The following SEC14L4 variants were observed in gnomAD, a reference collection of about 807,000 sequenced individuals.
SEC14L4 encodes SEC14-like protein 4.
A neutral mutation model predicts 55.1 loss-of-function variants in SEC14L4; 42 were observed. The ratio of observed to expected loss-of-function variants is 0.76; its 90% CI spans 0.60 to 0.99. SEC14L4 has a LOEUF of 0.99. SEC14L4 is among the 50% of genes least tolerant of loss of function. The pLI, the probability that SEC14L4 is intolerant of heterozygous loss-of-function variation, is 0.00. For synonymous variants in SEC14L4, 206 were observed against 206.8 expected (o/e 1.00, Z 0.03); for missense variants, 445 against 512.1 (o/e 0.87, Z 1.27).
At chr22:30,499,893 A>G (rs59041044) in intron 2 of SEC14L4, among the ~76,000 whole-genome samples, 6,677 of 150,440 alleles carry the variant, frequency 0.044, 233 homozygotes, top group African/African-American at 0.097. Flanking sequence ...TTTTTGAGAC[A>G]GAGTCTCTCT....
At chr22:30,501,846 C>CATATATAT (rs3067218) in intron 2 of SEC14L4, among the ~76,000 whole-genome samples, 3,032 of 111,598 alleles carry the variant, frequency 0.027, 86 homozygotes, top group Middle Eastern at 0.051. Context: ...CACACACGCA[C>CATATATAT]ATATATATAT....
chr22:30,494,142 G>A lies in SEC14L4; in HGVS notation c.580+8C>T, dbSNP rs147543145. ...CTCCCCAGGAGGTCATCCCGGTCAT[G>A]GGCTTACCTCGAATAACAATTAAAT... On this transcript the variant is annotated splice_region_variant and intron_variant, in intron 7 of 11. Coordinates refer to ENST00000255858, the MANE Select transcript of SEC14L4 (RefSeq NM_174977.4). 5 of 1,610,078 alleles carry A rather than the reference G, an allele frequency of 3.1e-6. No individual in the cohort carries two copies. In the African/African-American group the frequency reaches 5.3e-5, roughly 17 times the overall value.
chr22:30,491,559 C>A lies in SEC14L4; in HGVS notation c.1081+14G>T. 1 of 1,613,966 alleles carries A rather than the reference C, an allele frequency of 6.2e-7. No homozygotes were observed. The highest frequency in any genetic ancestry group is 8.5e-7 in the Non-Finnish European group (1 of 1,179,922). On this transcript the variant is annotated intron_variant, in intron 11 of 11. Coordinates refer to ENST00000255858, the MANE Select transcript of SEC14L4 (RefSeq NM_174977.4). ...GGCAGGGAAAACAATTCCAGTAAAC[C>A]CCGCAGCTCTTACAGACGCCAGCCT...
chr22:30,492,293 C>T, intron 8 of SEC14L4, 138 bp from the exon 9 acceptor site: 3 of 1,221,088 alleles, frequency 2.5e-6, no homozygotes, highest in Non-Finnish European at 3.5e-6. Context: ...TACCCAAGAC[C>T]TTTATGTGGC....
intron 1 of SEC14L4, 132 bp from the exon 2 acceptor site, chr22:30,503,884 G>A (rs1003745780): frequency 6.7e-6 from 4 of 601,036 alleles, no homozygotes; most frequent in South Asian, 4.7e-5. Context: ...TGCCCTGAAC[G>A]ACTTTGCCAT....
intron 7 of SEC14L4, among the ~76,000 whole-genome samples, chr22:30,493,114 GA>G (rs1936022375): frequency 6.7e-6 from 1 of 149,012 alleles, no homozygotes; most frequent in Admixed American, 6.7e-5. Flanking sequence ...AAAGAAAAAA[GA>G]AAAAGAAAAA....
Position 30,489,714 on chromosome 22 carries a change from C to G in SEC14L4, c.*393G>C. On this transcript the variant is annotated 3_prime_UTR_variant, in exon 12 of 12. Coordinates refer to ENST00000255858, the MANE Select transcript of SEC14L4 (RefSeq NM_174977.4). ...TTCAGGCCTGAAGCTGTGATGTCCA[C>G]AGGACCTAGGAACCACGCACACCCC... 1.4e-6 allele frequency: 1 copy of G among 730,206 alleles called. No individual in the cohort carries two copies. 45.2% of individuals were successfully genotyped at this position (730,206 alleles called of 1,614,324 possible). A position where few individuals can be genotyped will look rare whatever the true frequency, so the allele number is the denominator to read the frequency against.
In SEC14L4 at chr22:30,490,124, G is replaced by T. The variant is rs142649009; in HGVS notation, c.1204C>A (p.Pro402Thr). The change falls in exon 12 of 12, where the codon CCC becomes ACC. Residue 402 changes from proline to threonine, a missense_variant. By Grantham distance (38) the Pro-to-Thr change is conservative (BLOSUM62 -1). Coordinates refer to ENST00000255858, the MANE Select transcript of SEC14L4 (RefSeq NM_174977.4). ...TGGGGTCTTCACTGTGTTGGGGAGG[G>T]TCTCATCGCCTTGAGACTCTGCAGC... ...ETLQSLKAMR[P>T]SPTQ is the part of the protein sequence containing the mutation. 44 of 1,613,942 alleles carry T rather than the reference G, an allele frequency of 2.7e-5. No homozygotes were observed. The African/African-American group carries it at 4.9e-4, about 18-fold the overall frequency.
At position 30,492,555 on chromosome 22, in the gene SEC14L4, G is replaced by A; in HGVS notation, c.583C>T (p.Pro195Ser). The A allele has an allele frequency of 6.2e-7, 1 of 1,611,936 alleles. No individual in the cohort carries two copies. The highest frequency in any genetic ancestry group is 8.5e-7 in the Non-Finnish European group (1 of 1,178,040). ...TLKNLIVIRAPKLFPVAFNLV... is the reference protein window; with the variant it reads ...TLKNLIVIRASKLFPVAFNLV... ...TTGAAGGCCACGGGGAACAGTTTTG[G>A]GGCTGAAACACATGTAAATCTCTTG... is the stretch of plus-strand genomic sequence containing the variant. The change falls in exon 8 of 12, where the codon CCA (proline) becomes TCA (serine). Residue 195 changes from proline to serine, a missense_variant and splice_region_variant. Physicochemically the swap from Pro to Ser is moderately conservative, Grantham distance 74 (BLOSUM62 -1). Transcript: ENST00000255858.
At position 30,489,777 on chromosome 22, in the gene SEC14L4, G is replaced by A; in HGVS notation, c.*330C>T. On this transcript the variant is annotated 3_prime_UTR_variant, in exon 12 of 12. Coordinates refer to ENST00000255858, the MANE Select transcript of SEC14L4 (RefSeq NM_174977.4). ...CACCAGGCATGGGTGAGTCCTGGGT[G>A]GCTGGATCTTGTCAAGATGGGTGAA... 7.6e-7 allele frequency: 1 copy of A among 1,309,066 alleles called. No individual in the cohort carries two copies. The highest frequency in any genetic ancestry group is 1.3e-5 in the South Asian group (1 of 79,078). 81.1% of individuals were successfully genotyped at this position (1,309,066 alleles called of 1,614,324 possible). A position where few individuals can be genotyped will look rare whatever the true frequency, so the allele number is the denominator to read the frequency against.
Position 30,492,512 on chromosome 22 carries a change from A to T in SEC14L4, c.626T>A (p.Met209Lys). The change falls in exon 8 of 12, where the codon ATG (methionine) becomes AAG (lysine). Residue 209 changes from methionine (M) to lysine (K), a missense_variant. Physicochemically the swap from Met to Lys is moderately conservative, Grantham distance 95. Transcript: ENST00000255858. ...AATCTTCCTGCGTGTCTCCTCACTC[A>T]TGAACGACTTGACCAAGTTGAAGGC... ...PVAFNLVKSF[M>K]SEETRRKIVI... is the part of the protein sequence containing the mutation. The T allele has an allele frequency of 6.2e-7, 1 of 1,614,044 alleles. No homozygotes were observed.
chr22:30,490,379 CT>C, intron 11 of SEC14L4, 133 bp from the exon 12 acceptor site: 1 of 1,455,406 alleles, frequency 6.9e-7, no homozygotes, highest in Non-Finnish European at 9.2e-7. Context: ...CCCTGGAACC[CT>C]TGGAAATGAG....
Position 30,495,295 on chromosome 22 carries a change from A to C in SEC14L4, c.382T>G (p.Cys128Gly), listed in dbSNP as rs1348741656. The change falls in exon 5 of 12, where the codon TGT becomes GGT. Residue 128 changes from cysteine (C) to glycine (G), a missense_variant. Coordinates refer to ENST00000255858, the MANE Select transcript of SEC14L4 (RefSeq NM_174977.4). Reference protein sequence around the residue: ...QDMIRKRIKVCELLLHECELQ... With the variant: ...QDMIRKRIKVGELLLHECELQ... ...TCACACTCATGCAACAGCAGCTCAC[A>C]GACTTTGATGCGCTTCCGGATCATA... The C allele has an allele frequency of 2.5e-6, 4 of 1,613,568 alleles. No individual in the cohort carries two copies. The Admixed American group carries it at 6.7e-5, about 27-fold the overall frequency.
chr22:30,505,156 A>G (rs1316603218), intron 1 of SEC14L4, among the ~76,000 whole-genome samples: 3 of 151,342 alleles, frequency 2.0e-5, no homozygotes, highest in African/African-American at 7.3e-5. Context: ...AAAAGATTAC[A>G]GAGAAGCTTG....
chr22:30,502,751 A>G (rs1936368966), intron 2 of SEC14L4, among the ~76,000 whole-genome samples: 1 of 152,066 alleles, frequency 6.6e-6, no homozygotes, highest in Non-Finnish European at 1.5e-5. Context: ...AGGTTTCGCC[A>G]TGTTGCCCAG....
At chr22:30,504,728 C>T (rs901964856) in intron 1 of SEC14L4, among the ~76,000 whole-genome samples, 5 of 152,110 alleles carry the variant, frequency 3.3e-5, no homozygotes, top group African/African-American at 9.7e-5. Flanking sequence ...GCATCTGTTG[C>T]GTCTGAGAGA....
At chr22:30,495,893 T>C in intron 3 of SEC14L4, 35 bp downstream of exon 3, 4 of 1,609,500 alleles carry the variant, frequency 2.5e-6, no homozygotes, top group Non-Finnish European at 3.4e-6. Context: ...TCACAGTGCA[T>C]GGAAGGCAGG....
intron 2 of SEC14L4, among the ~76,000 whole-genome samples, chr22:30,501,887 T>C (rs1404922084): frequency 1.1e-5 from 1 of 94,020 alleles, no homozygotes; most frequent in Non-Finnish European, 2.3e-5. Flanking sequence ...ATACACATAC[T>C]TTTTTTTTTA....
At chr22:30,495,543 G>A in intron 4 of SEC14L4, 40 bp downstream of exon 4, 5 of 1,611,956 alleles carry the variant, frequency 3.1e-6, no homozygotes, top group Non-Finnish European at 4.2e-6. Flanking sequence ...TCAGGGGTGA[G>A]GGGCCTCAGA....
Sources: allele counts gnomAD v4.1 joint callset (sites outside exome capture counted in the v4.1 genomes callset), GRCh38; gene constraint gnomAD v4.1.1; transcripts MANE v1.5; gene names NCBI Gene and HGNC (gene_info 2026-07-23, HGNC 2026-07-21).